The following EML6 variants were observed in gnomAD, a reference collection of about 807,000 sequenced individuals.
EML6 encodes the protein EMAP like 6.
A neutral mutation model predicts 240.1 loss-of-function variants in EML6; 154 were observed. The ratio of observed to expected loss-of-function variants is 0.64; its 90% confidence interval spans 0.56 to 0.73. The LOEUF (loss-of-function observed/expected upper bound fraction) is 0.73, where lower values mean the gene tolerates loss of function less well. EML6 is among the 30% of genes least tolerant of loss of function. The pLI, the probability that EML6 is intolerant of heterozygous loss-of-function variation, is 0.00. For missense variants in EML6, 2,964 were observed against 2,474.6 expected (o/e 1.20, Z -4.20); for synonymous variants, 1,148 against 899.0 (o/e 1.28, Z -4.95).
intron 26 of EML6, among the ~76,000 whole-genome samples, chr2:54,927,939 C>T (rs978058790): frequency 2.6e-5 from 4 of 152,178 alleles, no homozygotes; most frequent in Admixed American, 6.5e-5. Flanking sequence ...GCTGTGAAGA[C>T]ACTTTTGATC....
chr2:54,968,756 G>T lies in EML6; in HGVS notation c.5840G>T (p.Gly1947Val). 6.5e-7 allele frequency: 1 copy of T among 1,536,828 alleles called. No homozygotes were observed. Among genetic ancestry groups the T allele is most frequent in the Non-Finnish European group, 8.8e-7 (1 of 1,133,386 alleles). ...GACAAGTATGTGGTCAGCACTGGAG[G>T]AGACGACTGCAGGTACTAACGTAGC... Reference protein sequence around the residue: ...YDDKYVVSTGGDDCSVFVWRC... With the variant: ...YDDKYVVSTGVDDCSVFVWRC... Residue 1947 changes from glycine (G) to valine (V), a missense_variant, in exon 41 of 42, where the codon GGA becomes GTA. Physicochemically the swap from Gly to Val is moderately radical, Grantham distance 109. Transcript: ENST00000356458.
intron 22 of EML6, among the ~76,000 whole-genome samples, chr2:54,900,184 A>G (rs1475313920): frequency 6.6e-6 from 1 of 152,230 alleles, no homozygotes; most frequent in African/African-American, 2.4e-5. Flanking sequence ...AATACTTAAG[A>G]AATGAGTAAA....
chr2:54,788,176 C>T (rs1021341481), intron 2 of EML6, among the ~76,000 whole-genome samples: 2 of 152,278 alleles, frequency 1.3e-5, no homozygotes, highest in East Asian at 1.9e-4. Context: ...TTCTCGCTCA[C>T]TCGCTCGCTA....
At chr2:54,736,908 A>G (rs1437652124) in intron 2 of EML6, among the ~76,000 whole-genome samples, 1 of 152,248 alleles carries the variant, frequency 6.6e-6, no homozygotes, top group Non-Finnish European at 1.5e-5. Flanking sequence ...ACATTCTACA[A>G]TACAACTGGT....
Position 54,853,820 on chromosome 2 carries a change from T to C in EML6, c.1622T>C (p.Leu541Pro). ...SVLVSGDDFG[L>P]VKLFKFPCLK... ...CTGGTGTCTGGAGATGATTTTGGAC[T>C]GGTTAAATTGTTTAAATTTCCTTGT... The change falls in exon 11 of 42, where the codon CTG becomes CCG. Residue 541 changes from leucine (L) to proline (P), a missense_variant. Leu to Pro is a moderately conservative substitution (Grantham distance 98). Coordinates refer to ENST00000356458, the MANE Select transcript of EML6 (RefSeq NM_001039753.4). The C allele has an allele frequency of 6.4e-7, 1 of 1,551,524 alleles. No homozygotes were observed. Among genetic ancestry groups the C allele is most frequent in the Non-Finnish European group, 8.7e-7 (1 of 1,146,890 alleles).
chr2:54,862,977 C>T (rs919763967), intron 12 of EML6, among the ~76,000 whole-genome samples: 10 of 152,154 alleles, frequency 6.6e-5, no homozygotes, highest in Non-Finnish European at 1.3e-4. Context: ...TGTAAGTGGC[C>T]TTCAGAATGG....
chr2:54,859,838 T>C, intron 12 of EML6, 137 bp downstream of exon 12: 1 of 696,610 alleles, frequency 1.4e-6, no homozygotes, highest in Non-Finnish European at 2.2e-6. Flanking sequence ...AATTTTAAGA[T>C]AAGAAGAAAC....
chr2:54,785,692 G>T (rs1185701486), intron 2 of EML6, among the ~76,000 whole-genome samples: 1 of 152,002 alleles, frequency 6.6e-6, no homozygotes, highest in African/African-American at 2.4e-5. Context: ...TTATACATTT[G>T]TATAAATTTT....
At chr2:54,786,730 G>GT (rs562293330) in intron 2 of EML6, among the ~76,000 whole-genome samples, 268 of 152,316 alleles carry the variant, frequency 1.8e-3, no homozygotes, top group Non-Finnish European at 2.7e-3. Context: ...AGATGCTCGA[G>GT]TTTCCATGTT....
intron 2 of EML6, among the ~76,000 whole-genome samples, chr2:54,786,494 G>T (rs1669096462): frequency 6.6e-6 from 1 of 152,140 alleles, no homozygotes; most frequent in Admixed American, 6.5e-5. Context: ...CTGCTCAAGT[G>T]CTGCTACCGC....
At chr2:54,793,385 CTTTTT>C (rs10683746) in intron 2 of EML6, among the ~76,000 whole-genome samples, 3 of 121,774 alleles carry the variant, frequency 2.5e-5, no homozygotes, top group Admixed American at 1.7e-4. Flanking sequence ...TATGAGTAGG[CTTTTT>C]TTTTTTTTTT....
chr2:54,915,994 G>T (rs1033386773), intron 25 of EML6, among the ~76,000 whole-genome samples: 2 of 152,110 alleles, frequency 1.3e-5, no homozygotes, highest in African/African-American at 4.8e-5. Context: ...GTCTTATCAG[G>T]ATTTAACCTA....
intron 5 of EML6, among the ~76,000 whole-genome samples, chr2:54,823,886 C>CTCTCTCTCTCTG (rs1558580529): frequency 6.6e-6 from 1 of 150,906 alleles, no homozygotes; most frequent in Non-Finnish European, 1.5e-5. Flanking sequence ...CTTTCTGTCT[C>CTCTCTCTCTCTG]TCTCTCTCTC....
chr2:54,916,680 T>C (rs917450177), intron 25 of EML6, 79 bp from the exon 26 acceptor site: 30 of 1,160,260 alleles, frequency 2.6e-5, no homozygotes, highest in Non-Finnish European at 3.4e-5. Context: ...AATTTAGAAT[T>C]ACTCAGGTGC....
intron 2 of EML6, among the ~76,000 whole-genome samples, chr2:54,789,337 C>A (rs903662603): frequency 4.0e-5 from 6 of 151,360 alleles, no homozygotes; most frequent in Admixed American, 2.0e-4. Context: ...CACGGTGAAA[C>A]CCCGTCTCTA....
intron 12 of EML6, among the ~76,000 whole-genome samples, chr2:54,861,395 T>A (rs553088012): frequency 6.6e-6 from 1 of 152,142 alleles, no homozygotes; most frequent in Non-Finnish European, 1.5e-5. Context: ...TCAGGAGTTA[T>A]CTCCCCAGGA....
intron 4 of EML6, among the ~76,000 whole-genome samples, chr2:54,817,495 C>T (rs947973256): frequency 1.3e-5 from 2 of 152,140 alleles, no homozygotes; most frequent in African/African-American, 4.8e-5. Flanking sequence ...ATTTGCATGA[C>T]TGTCTTACTT....
At chr2:54,811,657 G>A (rs1220364681) in intron 2 of EML6, among the ~76,000 whole-genome samples, 2 of 152,184 alleles carry the variant, frequency 1.3e-5, no homozygotes, top group Admixed American at 6.5e-5. Context: ...ATAAGTGAAT[G>A]AGCTAAAATA....
intron 16 of EML6, among the ~76,000 whole-genome samples, chr2:54,872,914 T>G (rs1471833578): frequency 3.3e-5 from 5 of 152,218 alleles, no homozygotes; most frequent in Non-Finnish European, 7.4e-5. Flanking sequence ...ATTGCTCTTG[T>G]GGCACTCCAT....
Sources: allele counts gnomAD v4.1 joint callset (sites outside exome capture counted in the v4.1 genomes callset), GRCh38; gene constraint gnomAD v4.1.1; transcripts MANE v1.5; gene names NCBI Gene and HGNC (gene_info 2026-07-23, HGNC 2026-07-21).